Variants in SLC2A7 observed in about 807,000 individuals in gnomAD.
The protein encoded by SLC2A7 is solute carrier family 2, facilitated glucose transporter member 7.
Under a neutral mutation model 50.5 loss-of-function variants are expected in SLC2A7, and 50 were observed. The observed-to-expected ratio is 0.99, with a 90% confidence interval of 0.79 to 1.25. SLC2A7 has a LOEUF of 1.25. Ranked by LOEUF, SLC2A7 falls within the 50% of genes most tolerant of loss-of-function variation. SLC2A7 has a pLI of 0.00. For missense variants in SLC2A7, 683 were observed against 679.1 expected, an observed-to-expected ratio of 1.01 and a Z score of -0.06; for synonymous variants, 308 against 300.4, an observed-to-expected ratio of 1.03 and a Z score of -0.26.
intron 7 of SLC2A7, among the ~76,000 whole-genome samples, chr1:9,014,097 G>A (rs1640790178): frequency 6.6e-6 from 1 of 152,120 alleles, no homozygotes; most frequent in Non-Finnish European, 1.5e-5. Flanking sequence ...CTCCCACCTG[G>A]GCCATCTACC....
At chr1:9,011,501 T>A (rs1216255062) in intron 8 of SLC2A7, among the ~76,000 whole-genome samples, 3 of 151,908 alleles carry the variant, frequency 2.0e-5, no homozygotes, top group Non-Finnish European at 4.4e-5. Context: ...GTTTAAAAAA[T>A]AAATAAATAA....
chr1:9,000,809 C>T (rs753241319), downstream of SLC2A7, among the ~76,000 whole-genome samples: 13 of 150,932 alleles, frequency 8.6e-5, no homozygotes, highest in Non-Finnish European at 1.5e-5. Context: ...TGCCCCATCA[C>T]CCCCAGGAAT....
intron 1 of SLC2A7, 22 bp downstream of exon 1, chr1:9,026,273 G>A (rs1640999690): frequency 1.9e-6 from 3 of 1,606,978 alleles, no homozygotes; most frequent in African/African-American, 2.7e-5. Context: ...GACAGTGACA[G>A]GTTCCTAGTC....
At chr1:9,023,838 CTTTTTTTT>C (rs1162143987) in intron 2 of SLC2A7, among the ~76,000 whole-genome samples, 2 of 17,156 alleles carry the variant, frequency 1.2e-4, no homozygotes, top group Non-Finnish European at 2.0e-4. Flanking sequence ...TATTCTTCTT[CTTTTTTTT>C]TTTTTTTTTT....
the SLC2A7 span, among the ~76,000 whole-genome samples, chr1:8,994,053 T>C: frequency 6.6e-6 from 1 of 152,344 alleles, no homozygotes; most frequent in Admixed American, 6.5e-5. Flanking sequence ...TCAGCACTAT[T>C]TTTTTCTATG....
rs762972885 is a variant in SLC2A7, at chr1:9,007,382, T to C, written c.1120A>G (p.Arg374Gly). 8.7e-6 allele frequency: 14 copies of C among 1,614,062 alleles called. No homozygotes were observed. In the South Asian group the frequency reaches 1.5e-4, roughly 18 times the overall value. ...VLTVVLLFQN[R>G]VPELSYLGII... ...CCGAGGTAGGACAGCTCGGGGACCC[T>C]GTTCTGTGGGGAGAGGCAGGGCTGT... Residue 374 changes from arginine to glycine, a missense_variant, in exon 10 of 12, where the codon AGG (arginine) becomes GGG (glycine). Coordinates refer to ENST00000400906, the MANE Select transcript of SLC2A7 (RefSeq NM_207420.3).
At chr1:9,019,438 T>C in intron 3 of SLC2A7, 105 bp from the exon 4 acceptor site, 3 of 1,479,738 alleles carry the variant, frequency 2.0e-6, no homozygotes, top group Non-Finnish European at 1.8e-6. Flanking sequence ...GCGCGGGGAA[T>C]GTGCCCGAGA....
intron 9 of SLC2A7, among the ~76,000 whole-genome samples, chr1:9,009,839 G>A (rs967852797): frequency 2.0e-5 from 3 of 152,206 alleles, no homozygotes; most frequent in Admixed American, 6.5e-5. Context: ...TTTCTAATGC[G>A]GTGGCATCCT....
chr1:9,004,961 T>A lies in SLC2A7; in HGVS notation c.1193-82A>T, dbSNP rs868644754. The stretch of plus-strand genomic sequence containing the variant: ...TGGCGGGACGCGGCCCACTCTAGCC[T>A]CTGACCTAGGACCCTCAAGAGTACC... On this transcript the variant is annotated intron_variant, in intron 10 of 11. Coordinates refer to ENST00000400906, the MANE Select transcript of SLC2A7 (RefSeq NM_207420.3). 90 of 1,483,220 alleles carry A rather than the reference T, an allele frequency of 6.1e-5. No homozygotes were observed. The Middle Eastern group carries it at 1.7e-3, about 28-fold the overall frequency. The allele number at this position is 1,483,220 out of a possible 1,614,324, so 91.9% of individuals were successfully genotyped here.
intron 10 of SLC2A7, among the ~76,000 whole-genome samples, chr1:9,005,322 G>A (rs1257834590): frequency 6.6e-6 from 1 of 152,164 alleles, no homozygotes; most frequent in African/African-American, 2.4e-5. Context: ...GTATGGCAGG[G>A]CCTGAGGGCT....
rs368334291 is a variant in SLC2A7, at chr1:9,022,859, A to G, written c.311+59T>C. On this transcript the variant is annotated intron_variant, in intron 3 of 11. Transcript: ENST00000400906. ...CTCCCCACCAGGTGCACAAATGCCC[A>G]GAGACAGTGTGGCTTACTAGCATGA... The G allele has an allele frequency of 2.1e-4, 330 of 1,591,548 alleles. 5 individuals are homozygous for G. The South Asian group carries it at 3.4e-3, about 16-fold the overall frequency.
intron 5 of SLC2A7, among the ~76,000 whole-genome samples, chr1:9,016,746 C>T (rs1298272940): frequency 6.6e-6 from 1 of 152,024 alleles, no homozygotes; most frequent in African/African-American, 2.4e-5. Context: ...AAAGGAGAAA[C>T]CCCACTGGGT....
downstream of SLC2A7, among the ~76,000 whole-genome samples, chr1:9,002,346 G>A (rs566092798): frequency 6.6e-6 from 1 of 152,302 alleles, no homozygotes; most frequent in East Asian, 1.9e-4. Flanking sequence ...GGAATGTCTC[G>A]GTATAAAACC....
At chr1:8,995,214 C>G in the SLC2A7 span, among the ~76,000 whole-genome samples, 486 of 151,452 alleles carry the variant, frequency 3.2e-3, 5 homozygotes, top group African/African-American at 0.011. Flanking sequence ...TTTGGGAGGC[C>G]GTCGCGGGTG....
downstream of SLC2A7, among the ~76,000 whole-genome samples, chr1:8,999,099 T>A (rs946604106): frequency 7.9e-5 from 12 of 152,234 alleles, no homozygotes; most frequent in East Asian, 1.5e-3. Flanking sequence ...GAAGGTTTTT[T>A]AAATTACACA....
Position 9,010,170 on chromosome 1 carries a change from C to T in SLC2A7, c.1089G>A (p.Leu363=). The T allele has an allele frequency of 6.4e-7, 1 of 1,552,716 alleles. No individual in the cohort carries two copies. The highest frequency in any genetic ancestry group is 8.7e-7 in the Non-Finnish European group (1 of 1,147,638). The change falls in exon 9 of 12, where the codon CTG becomes CTA. Residue 363 remains leucine, a synonymous_variant. Transcript: ENST00000400906. ...GGAATAGGAGCACCACCGTCAGCACCAGGCAGGCAGAGCCGCAGATGCCGT... is the reference window on the plus strand; with the variant it reads ...GGAATAGGAGCACCACCGTCAGCACTAGGCAGGCAGAGCCGCAGATGCCGT... ...AGYGICGSAC[L]VLTVVLLFQN... is the part of the protein sequence containing the mutation.
In SLC2A7 at chr1:9,018,264, G is replaced by GC. The variant is rs770640214; in HGVS notation, c.547dup (p.Ala183GlyfsTer51). On this transcript the variant is annotated frameshift_variant, in exon 5 of 12. Transcript: ENST00000400906. LOFTEE classifies it high-confidence loss of function. ...GATGGCCTGGAGGCTGAAGATCTGT[G>GC]CTAGGAAGACTCCAACGATGACGAA... The GC allele has an allele frequency of 1.2e-5, 19 of 1,614,042 alleles. No homozygotes were observed. In the African/African-American group the frequency reaches 2.5e-4, roughly 22 times the overall value.
At position 9,018,263 on chromosome 1, in the gene SLC2A7, T is replaced by C; in HGVS notation, c.549A>G (p.Ala183=). ...EVFVIVGVFL[A]QIFSLQAILG... is the part of the protein sequence containing the mutation. ...AGATGGCCTGGAGGCTGAAGATCTG[T>C]GCTAGGAAGACTCCAACGATGACGA... Residue 183 remains alanine (A), a synonymous_variant, in exon 5 of 12, where the codon GCA becomes GCG. Transcript: ENST00000400906. 6.2e-7 allele frequency: 1 copy of C among 1,614,128 alleles called. No homozygotes were observed. Among genetic ancestry groups the C allele is most frequent in the Non-Finnish European group, 8.5e-7 (1 of 1,180,022 alleles).
In SLC2A7 at chr1:9,008,366, A is replaced by C. The variant is rs546023538; in HGVS notation, c.1117-981T>G. ...AGGATTGGGGCCATTCAACACTTCA[A>C]GCAAAAGCGAGGCTGGCTGGGTTGG... is the stretch of plus-strand genomic sequence containing the variant. On this transcript the variant is annotated intron_variant, in intron 9 of 11. Coordinates refer to ENST00000400906, the MANE Select transcript of SLC2A7 (RefSeq NM_207420.3). The surrounding 1 kb of genome is among the most constrained non-coding windows in gnomAD (Gnocchi z 5.9). Among the ~76,000 whole-genome samples, 1 of 152,288 alleles carries C rather than the reference A, an allele frequency of 6.6e-6. No homozygotes were observed. Among genetic ancestry groups the C allele is most frequent in the African/African-American group, 2.4e-5 (1 of 41,560 alleles).
Sources: gnomAD v4.1 joint callset for allele counts (sites outside exome capture counted in the v4.1 genomes callset) on GRCh38, gnomAD v4.1.1 for gene constraint, Gnocchi (gnomAD v3.1) non-coding constraint, MANE v1.5 for transcripts, NCBI Gene and HGNC (gene_info 2026-07-23, HGNC 2026-07-21) for gene names.